The following CMTM7 variants were observed in gnomAD, a reference collection of about 807,000 sequenced individuals.
CMTM7 encodes CKLF like MARVEL transmembrane domain containing 7.
Under a neutral mutation model 19.3 loss-of-function variants are expected in CMTM7, and 7 were observed. That is an observed-to-expected ratio of 0.36 (90% confidence interval 0.21 to 0.68). The LOEUF (loss-of-function observed/expected upper bound fraction) is 0.68, where lower values mean the gene tolerates loss of function less well. CMTM7 is among the 30% of genes least tolerant of loss of function. The pLI is 0.60. For missense variants in CMTM7, 193 were observed against 232.6 expected, an observed-to-expected ratio of 0.83 and a Z score of 1.11; for synonymous variants, 87 against 99.3, an observed-to-expected ratio of 0.88 and a Z score of 0.74.
intron 3 of CMTM7, chr3:32,451,381 T>C (rs1288868259): frequency 6.6e-6 from 1 of 152,386 alleles, no homozygotes; most frequent in Non-Finnish European, 1.5e-5. Context: ...TACTGCAGAG[T>C]GCGGACTCTG....
intron 1 of CMTM7, among the ~76,000 whole-genome samples, chr3:32,440,032 C>G (rs1696651580): frequency 6.6e-6 from 1 of 151,434 alleles, no homozygotes; most frequent in African/African-American, 2.4e-5. Flanking sequence ...AATCATATAC[C>G]CATACGCTAA....
intron 1 of CMTM7, among the ~76,000 whole-genome samples, chr3:32,425,224 A>G (rs1696412509): frequency 6.6e-6 from 1 of 152,220 alleles, no homozygotes; most frequent in East Asian, 1.9e-4. Context: ...AGTATTAGCC[A>G]TTTATGAAAA....
intron 2 of CMTM7, 76 bp downstream of exon 2, chr3:32,442,089 T>G (rs1696687013): frequency 1.4e-6 from 2 of 1,382,500 alleles, no homozygotes; most frequent in Non-Finnish European, 2.0e-6. Flanking sequence ...CCTGACAGAG[T>G]TTTTCCCGTC....
chr3:32,453,668 G>C (rs879882343), intron 4 of CMTM7, among the ~76,000 whole-genome samples: 1 of 152,150 alleles, frequency 6.6e-6, no homozygotes, highest in Non-Finnish European at 1.5e-5. Flanking sequence ...TGGCGGCCTG[G>C]GGCTGCTGGG....
chr3:32,410,012 C>CT (rs1696148770), intron 1 of CMTM7, among the ~76,000 whole-genome samples: 1 of 152,156 alleles, frequency 6.6e-6, no homozygotes, highest in South Asian at 2.1e-4. Context: ...TTTAGGTACT[C>CT]TTATTTTGCG....
chr3:32,438,703 G>A (rs1696634333), intron 1 of CMTM7, among the ~76,000 whole-genome samples: 1 of 152,166 alleles, frequency 6.6e-6, no homozygotes, highest in African/African-American at 2.4e-5. Flanking sequence ...TATTTCATGA[G>A]CAAGTTTCCC....
At chr3:32,416,354 C>T (rs939276943) in intron 1 of CMTM7, among the ~76,000 whole-genome samples, 5 of 141,456 alleles carry the variant, frequency 3.5e-5, no homozygotes, top group East Asian at 2.0e-4. Context: ...CGCCACCATC[C>T]GGGCTAATTT....
chr3:32,420,496 A>G (rs951852792), intron 1 of CMTM7, among the ~76,000 whole-genome samples: 1 of 152,214 alleles, frequency 6.6e-6, no homozygotes, highest in African/African-American at 2.4e-5. Context: ...AAAGTGAGAA[A>G]GCAAAGGAGA....
At chr3:32,432,563 G>T (rs1230196313) in intron 1 of CMTM7, among the ~76,000 whole-genome samples, 1 of 152,214 alleles carries the variant, frequency 6.6e-6, no homozygotes, top group East Asian at 1.9e-4. Context: ...TGCTGAGCCG[G>T]GCTGCCTGGG....
rs550366104 is a variant in CMTM7, at chr3:32,421,555, CCTT to C, written c.160-20282_160-20280del. 6.6e-4 allele frequency among the ~76,000 whole-genome samples: 100 copies of C among 152,318 alleles called. 1 individual carries two copies. The South Asian group carries it at 7.5e-3, about 11-fold the overall frequency. On this transcript the variant is annotated intron_variant, in intron 1 of 4. Coordinates refer to ENST00000334983, the MANE Select transcript of CMTM7 (RefSeq NM_138410.4). Reference sequence around the variant, plus strand: ...TGCTCTTCATACGGGACATGCCTGACCTTCTCCTTCCTCTATTCCTCACAAATT... The same window carrying C: ...TGCTCTTCATACGGGACATGCCTGACCTCCTTCCTCTATTCCTCACAAATT...
At position 32,449,427 on chromosome 3, in the gene CMTM7, A is replaced by G. The variant is rs776126941; in HGVS notation, c.334-27A>G. 2.0e-6 allele frequency: 3 copies of G among 1,525,988 alleles called. No individual in the cohort carries two copies. The highest frequency in any genetic ancestry group is 2.7e-6 in the Non-Finnish European group (3 of 1,100,196). 94.5% of individuals were successfully genotyped at this position (1,525,988 alleles called of 1,614,324 possible). ...GGACCAGAAATGGACGGCCCTACCCACTTATTTGCTTTGTTTCTGCCCCCA... is the reference window on the plus strand; with the variant it reads ...GGACCAGAAATGGACGGCCCTACCCGCTTATTTGCTTTGTTTCTGCCCCCA... On this transcript the variant is annotated intron_variant, in intron 2 of 4. Transcript: ENST00000334983. This position sits in a 1 kb window ranked among gnomAD's most constrained non-coding sequence, Gnocchi z 4.5.
rs1320770449 is a variant in CMTM7, at chr3:32,454,585, A to G, written c.*331A>G. The G allele has an allele frequency of 1.9e-6, 1 of 530,504 alleles. No homozygotes were observed. Among genetic ancestry groups the G allele is most frequent in the Non-Finnish European group, 3.5e-6 (1 of 282,320 alleles). 32.9% of individuals were successfully genotyped at this position (530,504 alleles called of 1,614,324 possible). ...TTAGCACAGCTGAAGGGGTTTGTGAATACTCCCGCCTAAATCCCTTCTACT... is the reference window on the plus strand; with the variant it reads ...TTAGCACAGCTGAAGGGGTTTGTGAGTACTCCCGCCTAAATCCCTTCTACT... On this transcript the variant is annotated 3_prime_UTR_variant, in exon 5 of 5. Transcript: ENST00000334983.
intron 1 of CMTM7, among the ~76,000 whole-genome samples, chr3:32,412,287 C>A (rs1256958059): frequency 6.6e-6 from 1 of 152,124 alleles, no homozygotes; most frequent in Non-Finnish European, 1.5e-5. Flanking sequence ...GAGTTTGAGA[C>A]CATCCTGGCC....
chr3:32,408,550 C>T (rs894976608), intron 1 of CMTM7, among the ~76,000 whole-genome samples: 1 of 138,634 alleles, frequency 7.2e-6, no homozygotes, highest in Non-Finnish European at 1.6e-5. Context: ...CTGAGAAAAA[C>T]GGAACAATAA....
chr3:32,425,354 T>G (rs1696415033), intron 1 of CMTM7, among the ~76,000 whole-genome samples: 1 of 152,164 alleles, frequency 6.6e-6, no homozygotes, highest in Non-Finnish European at 1.5e-5. Flanking sequence ...AGTCACACCC[T>G]TTTATTTTGT....
At chr3:32,416,324 T>C (rs1199343190) in intron 1 of CMTM7, among the ~76,000 whole-genome samples, 2 of 150,092 alleles carry the variant, frequency 1.3e-5, no homozygotes, top group Admixed American at 6.7e-5. Flanking sequence ...GCCTCCTGAG[T>C]AGCTGGGATT....
At chr3:32,395,501 G>C (rs756161455) in intron 1 of CMTM7, among the ~76,000 whole-genome samples, 11 of 152,208 alleles carry the variant, frequency 7.2e-5, no homozygotes, top group Non-Finnish European at 1.6e-4. Context: ...TGGTGGAACC[G>C]ATCCAGGCCT....
intron 1 of CMTM7, among the ~76,000 whole-genome samples, chr3:32,395,333 T>C (rs1274802626): frequency 6.6e-6 from 1 of 152,184 alleles, no homozygotes; most frequent in Non-Finnish European, 1.5e-5. Flanking sequence ...CTATTTTTTT[T>C]TAGCCCTATT....
chr3:32,392,245 G>GCCCCGGCGCTGGAGCTCAGT (rs1695847235), intron 1 of CMTM7, among the ~76,000 whole-genome samples, 180 bp downstream of exon 1: 1 of 151,918 alleles, frequency 6.6e-6, no homozygotes, highest in Non-Finnish European at 1.5e-5. Flanking sequence ...TGCTGCCGCA[G>GCCCCGGCGCTGGAGCTCAGT]CCCCCGCGCT....
Sources: allele counts gnomAD v4.1 joint callset (sites outside exome capture counted in the v4.1 genomes callset), GRCh38; gene constraint gnomAD v4.1.1; non-coding constraint Gnocchi (gnomAD v3.1); transcripts MANE v1.5; gene names NCBI Gene and HGNC (gene_info 2026-07-23, HGNC 2026-07-21).